Variants in INTS3 observed in about 807,000 individuals in gnomAD.
INTS3 encodes the protein integrator complex subunit 3, also known as SOSS complex subunit A.
A neutral mutation model predicts 146.3 loss-of-function variants in INTS3; 34 were observed. That is an observed-to-expected ratio of 0.23 (90% CI 0.18 to 0.31). The LOEUF (loss-of-function observed/expected upper bound fraction) is 0.31, where lower values mean the gene tolerates loss of function less well. Ranked by LOEUF, INTS3 falls within the 10% of genes least tolerant of loss-of-function variation. The probability of loss-of-function intolerance (pLI) is 1.00; values close to 1 mark genes in which losing one functional copy is unlikely to be tolerated. For missense variants in INTS3, 757 were observed against 1,304.2 expected, an observed-to-expected ratio of 0.58 and a Z score of 6.46; for synonymous variants, 475 against 494.9, an observed-to-expected ratio of 0.96 and a Z score of 0.53.
chr1:153,770,454 T>C (rs1570885891), intron 24 of INTS3, 143 bp downstream of exon 24: 1 of 711,228 alleles, frequency 1.4e-6, no homozygotes, highest in East Asian at 2.6e-5. Flanking sequence ...AGGCTCTCTG[T>C]CAGCCACTTT....
At chr1:153,762,480 T>A (rs1672419214) in intron 14 of INTS3, among the ~76,000 whole-genome samples, 1 of 152,178 alleles carries the variant, frequency 6.6e-6, no homozygotes, top group African/African-American at 2.4e-5. Flanking sequence ...TTACCAATCC[T>A]AATGAGCTGA....
rs898222065 is a variant in INTS3 at position 153,757,980 on chromosome 1, C to T, written c.1149+217C>T. On this transcript the variant is annotated intron_variant, in intron 10 of 29. Coordinates refer to ENST00000318967, the MANE Select transcript of INTS3 (RefSeq NM_023015.5). The surrounding 1 kb of genome is among the most constrained non-coding windows in gnomAD (Gnocchi z 4.0). ...GGTTTGAGATTGAACAGGTTCATCT[C>T]CCCCATTACTGCCAACCCCCAAAAG... Among the ~76,000 whole-genome samples, 1 of 152,124 alleles carries T rather than the reference C, an allele frequency of 6.6e-6. No homozygotes were observed. Among genetic ancestry groups the T allele is most frequent in the African/African-American group, 2.4e-5 (1 of 41,420 alleles).
chr1:153,773,012 C>T lies in INTS3; in HGVS notation c.2982C>T (p.Ser994=), dbSNP rs576212159. 11 of 1,614,192 alleles carry T rather than the reference C, an allele frequency of 6.8e-6. No homozygotes were observed. Among genetic ancestry groups the T allele is most frequent in the Admixed American group, 3.3e-5 (2 of 60,020 alleles). The change falls in exon 29 of 30, where the codon AGC becomes AGT. Residue 994 remains serine, a synonymous_variant. Coordinates refer to ENST00000318967, the MANE Select transcript of INTS3 (RefSeq NM_023015.5). ...PKSRRKAALS[S]PRSRKNATQP... ...GCCGGCGAAAAGCAGCTCTGTCCAGCCCTCGAAGTCGAAAGAATGCCACAC... is the reference window on the plus strand; with the variant it reads ...GCCGGCGAAAAGCAGCTCTGTCCAGTCCTCGAAGTCGAAAGAATGCCACAC...
intron 1 of INTS3, among the ~76,000 whole-genome samples, chr1:153,731,579 CTTTTTTT>C (rs71093282): frequency 7.7e-6 from 1 of 129,828 alleles, no homozygotes; most frequent in African/African-American, 3.0e-5. Context: ...AGAGCGTCCT[CTTTTTTT>C]TTTTTTTTTT....
intron 1 of INTS3, among the ~76,000 whole-genome samples, chr1:153,732,447 ATTT>A (rs201977770): frequency 7.2e-6 from 1 of 139,008 alleles, no homozygotes. Context: ...GTCCTTGGGG[ATTT>A]TTTTTTTTTT....
intron 3 of INTS3, among the ~76,000 whole-genome samples, chr1:153,746,090 C>CA (rs940199146): frequency 5.3e-5 from 8 of 152,066 alleles, no homozygotes; most frequent in Non-Finnish European, 8.8e-5. Flanking sequence ...ACTAAAAATT[C>CA]AAAAAAATAT....
intron 3 of INTS3, among the ~76,000 whole-genome samples, chr1:153,745,805 GAAT>G (rs1341193739): frequency 6.6e-6 from 1 of 152,150 alleles, no homozygotes; most frequent in Non-Finnish European, 1.5e-5. Context: ...ACAGAGAAAA[GAAT>G]AAAGATATTT....
chr1:153,763,190 G>C, intron 15 of INTS3, 43 bp from the exon 16 acceptor site: 2 of 1,613,598 alleles, frequency 1.2e-6, no homozygotes. Flanking sequence ...TCTGTTGCTG[G>C]CATCTGGGCA....
chr1:153,769,946 G>A (rs1672751286), intron 23 of INTS3, 102 bp downstream of exon 23: 1 of 884,232 alleles, frequency 1.1e-6, no homozygotes, highest in African/African-American at 1.6e-5. Flanking sequence ...GGGCTGGGAA[G>A]TTAAGGGGAG....
intron 8 of INTS3, among the ~76,000 whole-genome samples, chr1:153,753,110 AAAG>A (rs1245237515): frequency 1.3e-5 from 2 of 152,056 alleles, no homozygotes; most frequent in Non-Finnish European, 2.9e-5. Flanking sequence ...GGAAGTCAGG[AAAG>A]AAGAAAGTGC....
Position 153,770,294 on chromosome 1 carries a change from A to G in INTS3, c.2486A>G (p.Gln829Arg). The change falls in exon 24 of 30, where the codon CAG (glutamine) becomes CGG (arginine). Residue 829 changes from glutamine to arginine, a missense_variant. This residue lies in a region of INTS3 where 116 missense variants were observed against 226.5 expected (regional missense o/e 0.51). Coordinates refer to ENST00000318967, the MANE Select transcript of INTS3 (RefSeq NM_023015.5). ...IPLETIIPIL[Q>R]HLKYKEHPEA... ...CTGGAGACCATAATCCCCATCCTGC[A>G]GCACCTCAAATACAAGGGTGAGTAG... The G allele has an allele frequency of 1.2e-6, 2 of 1,608,080 alleles. No homozygotes were observed. The highest frequency in any genetic ancestry group is 1.7e-6 in the Non-Finnish European group (2 of 1,174,500).
chr1:153,759,276 A>G (rs995352073), intron 10 of INTS3, among the ~76,000 whole-genome samples: 31 of 55,950 alleles, frequency 5.5e-4, no homozygotes, highest in Middle Eastern at 6.2e-3. Context: ...CCTGTCTGGA[A>G]AAAAAAAAAA....
At chr1:153,750,006 CCTT>C (rs1408111913) in intron 6 of INTS3, among the ~76,000 whole-genome samples, 5 of 152,216 alleles carry the variant, frequency 3.3e-5, no homozygotes, top group African/African-American at 4.8e-5. Context: ...CCTACACCCT[CCTT>C]CTCACTCCCT....
At chr1:153,751,742 G>T (rs537493401) in intron 7 of INTS3, among the ~76,000 whole-genome samples, 1 of 152,296 alleles carries the variant, frequency 6.6e-6, no homozygotes, top group Admixed American at 6.5e-5. Flanking sequence ...TGGGATTATA[G>T]GCGTGAGCCA....
chr1:153,757,908 C>G lies in INTS3; in HGVS notation c.1149+145C>G, dbSNP rs908163798. The G allele has an allele frequency of 2.0e-5, 12 of 599,152 alleles. No individual in the cohort carries two copies. The highest frequency in any genetic ancestry group is 1.9e-4 in the African/African-American group (10 of 54,020). The allele number at this position is 599,152 out of a possible 1,614,324, so 37.1% of individuals were successfully genotyped here. On this transcript the variant is annotated intron_variant, in intron 10 of 29. Coordinates refer to ENST00000318967, the MANE Select transcript of INTS3 (RefSeq NM_023015.5). The surrounding 1 kb of genome is among the most constrained non-coding windows in gnomAD (Gnocchi z 4.0). The stretch of plus-strand genomic sequence containing the variant: ...TTCCAGAGTGTCTCAGCCTTCACTT[C>G]CCTTTGTGTCTCTAGAAATTTACTT...
At chr1:153,729,093 C>G (rs922237715) in intron 1 of INTS3, among the ~76,000 whole-genome samples, 2 of 152,114 alleles carry the variant, frequency 1.3e-5, no homozygotes, top group African/African-American at 4.8e-5. Context: ...CACACCCCAG[C>G]TATTTTTACT....
At chr1:153,742,655 T>A (rs1235564225) in intron 3 of INTS3, among the ~76,000 whole-genome samples, 1 of 152,224 alleles carries the variant, frequency 6.6e-6, no homozygotes, top group Non-Finnish European at 1.5e-5. Flanking sequence ...TCAGTAAACC[T>A]AAGTGAAGGG....
intron 5 of INTS3, chr1:153,748,350 A>G (rs975608007): frequency 2.4e-5 from 8 of 335,236 alleles, no homozygotes; most frequent in Admixed American, 1.2e-4. Context: ...CTCAGGCTCT[A>G]TCTGAGATAT....
intron 1 of INTS3, among the ~76,000 whole-genome samples, chr1:153,730,352 T>A (rs1671017622): frequency 6.6e-6 from 1 of 152,210 alleles, no homozygotes; most frequent in African/African-American, 2.4e-5. Flanking sequence ...TGCCTGGCAA[T>A]TGGAATTATT....
Sources: gnomAD v4.1 joint callset for allele counts (sites outside exome capture counted in the v4.1 genomes callset) on GRCh38, gnomAD v4.1.1 for gene constraint, gnomAD v4.1.1 regional missense constraint, Gnocchi (gnomAD v3.1) non-coding constraint, MANE v1.5 for transcripts, NCBI Gene and HGNC (gene_info 2026-07-23, HGNC 2026-07-21) for gene names.